The following EHMT2 variants were observed in gnomAD, a reference collection of about 807,000 sequenced individuals.
EHMT2 encodes histone-lysine N-methyltransferase EHMT2.
In EHMT2, 59 loss-of-function variants were observed where a neutral mutation model predicts 143.3. That is an observed-to-expected ratio of 0.41 (90% CI 0.33 to 0.51). The LOEUF is 0.51. Ranked by LOEUF, EHMT2 falls within the 20% of genes least tolerant of loss-of-function variation. EHMT2 has a pLI of 0.18. For missense variants in EHMT2, 1,174 were observed against 1,645.9 expected, an observed-to-expected ratio of 0.71 and a Z score of 4.96; for synonymous variants, 604 against 651.5, an observed-to-expected ratio of 0.93 and a Z score of 1.11.
intron 4 of EHMT2, 80 bp downstream of exon 4, chr6:31,896,183 A>G (rs1355044303): frequency 1.3e-6 from 2 of 1,523,750 alleles, no homozygotes; most frequent in Non-Finnish European, 1.8e-6. Flanking sequence ...GAGTAAATGG[A>G]GTAGAAGCCT....
At position 31,883,040 on chromosome 6, in the gene EHMT2, T is replaced by C. The variant is rs913337498; in HGVS notation, c.2995-31A>G. 1 of 1,595,434 alleles carries C rather than the reference T, an allele frequency of 6.3e-7. No homozygotes were observed. Among genetic ancestry groups the C allele is most frequent in the East Asian group, 2.2e-5 (1 of 44,686 alleles). On this transcript the variant is annotated intron_variant, in intron 23 of 27. Coordinates refer to ENST00000375537, the Ensembl canonical transcript of EHMT2. The surrounding 1 kb of genome is among the most constrained non-coding windows in gnomAD (Gnocchi z 5.6). ...GTGCGGAGGGGAGGATAGTGGTTTC[T>C]CTGTGGGGCCCACCTCAGCTGCCCA...
At chr6:31,886,466 G>A in intron 18 of EHMT2, 115 bp downstream of exon 18, 2 of 779,086 alleles carry the variant, frequency 2.6e-6, no homozygotes, top group Non-Finnish European at 4.2e-6. Flanking sequence ...AAGCAATGAG[G>A]ACAGACACGA....
chr6:31,880,990 G>T lies in EHMT2; in HGVS notation c.3276+24C>A, dbSNP rs368486319. Reference sequence around the variant, plus strand: ...TGAAAGCCAGCCCTGGGGAGCAGCAGGGTAAGGAGGGTCTCCTGCTCACCT... The same window carrying T: ...TGAAAGCCAGCCCTGGGGAGCAGCATGGTAAGGAGGGTCTCCTGCTCACCT... On this transcript the variant is annotated intron_variant, in intron 26 of 27. Transcript: ENST00000375537. The surrounding 1 kb of genome is among the most constrained non-coding windows in gnomAD (Gnocchi z 6.6). The T allele has an allele frequency of 2.5e-6, 4 of 1,611,464 alleles. No individual in the cohort carries two copies. Among genetic ancestry groups the T allele is most frequent in the Non-Finnish European group, 3.4e-6 (4 of 1,178,712 alleles).
In EHMT2 at chr6:31,889,676, C is replaced by T; in HGVS notation, c.865-74G>A. 6.3e-7 allele frequency: 1 copy of T among 1,582,652 alleles called. No homozygotes were observed. Among genetic ancestry groups the T allele is most frequent in the Non-Finnish European group, 8.6e-7 (1 of 1,166,578 alleles). ...TGAGGTGAGTAAAGAAAACCACCACCACCATTGCCCCCCGCCACTACCCAC... is the reference window on the plus strand; with the variant it reads ...TGAGGTGAGTAAAGAAAACCACCACTACCATTGCCCCCCGCCACTACCCAC... On this transcript the variant is annotated intron_variant, in intron 7 of 27. Coordinates refer to ENST00000375537, the Ensembl canonical transcript of EHMT2. The surrounding 1 kb of genome is among the most constrained non-coding windows in gnomAD (Gnocchi z 5.1).
chr6:31,893,194 C>CATAT (rs1765928908), intron 4 of EHMT2: 2 of 531,640 alleles, frequency 3.8e-6, no homozygotes, highest in Admixed American at 6.9e-5. Context: ...TATATGTGGC[C>CATAT]ATATACACAG....
At chr6:31,896,931 G>A (rs1196052647) in exon 2 of EHMT2, 1 of 1,599,698 alleles carries the variant, frequency 6.3e-7, no homozygotes, top group African/African-American at 1.4e-5. Flanking sequence ...ACCTCTCTCG[G>A]TGGCTCCTCT....
rs1000164594 is a variant in EHMT2 at position 31,881,238 on chromosome 6, T to C, written c.3198-146A>G. 6 of 724,636 alleles carry C rather than the reference T, an allele frequency of 8.3e-6. No homozygotes were observed. Among genetic ancestry groups the C allele is most frequent in the Non-Finnish European group, 1.5e-5 (6 of 408,274 alleles). The allele number at this position is 724,636 out of a possible 1,614,324, so 44.9% of individuals were successfully genotyped here. ...AAGGGAAGGCCTGGAGCAGCAGTGG[T>C]GGGCAAGTGAAAGGGCAGCATTCCA... On this transcript the variant is annotated intron_variant, in intron 25 of 27. Transcript: ENST00000375537. This position sits in a 1 kb window ranked among gnomAD's most constrained non-coding sequence, Gnocchi z 4.8.
In EHMT2 at chr6:31,884,471, A is replaced by G. The variant is rs776243573; in HGVS notation, c.2692T>C (p.Trp898Arg). ...TTGCGGTTGAGTTGAAGCGCAAACC[A>G]CACGTCGGAGCGCTCGGGAGTCAGG... Residue 898 changes from tryptophan to arginine, a missense_variant, in exon 21 of 28, where the codon TGG becomes CGG. This residue lies in a region of EHMT2 where 608 missense variants were observed against 903.7 expected (regional missense o/e 0.67). Coordinates refer to ENST00000375537, the Ensembl canonical transcript of EHMT2. The surrounding 1 kb of genome is among the most constrained non-coding windows in gnomAD (Gnocchi z 7.3). The G allele has an allele frequency of 1.2e-6, 2 of 1,612,988 alleles. No homozygotes were observed. The highest frequency in any genetic ancestry group is 1.7e-6 in the Non-Finnish European group (2 of 1,180,014).
chr6:31,884,757 C>G lies in EHMT2; in HGVS notation c.2491G>C (p.Ala831Pro). ...TTCAGAAGGACTTCGGCGATGGCGG[C>G]GCTGCCCGTGAAGGAGGCCCAGTGC... Residue 831 changes from alanine to proline, a missense_variant, in exon 20 of 28, where the codon GCC becomes CCC. Ala to Pro is a conservative substitution (Grantham distance 27, BLOSUM62 -1). This residue lies in a region of EHMT2 where 608 missense variants were observed against 903.7 expected (regional missense o/e 0.67). Transcript: ENST00000375537. The surrounding 1 kb of genome is among the most constrained non-coding windows in gnomAD (Gnocchi z 7.3). 1.2e-6 allele frequency: 2 copies of G among 1,601,426 alleles called. No individual in the cohort carries two copies. Among genetic ancestry groups the G allele is most frequent in the Non-Finnish European group, 1.7e-6 (2 of 1,174,408 alleles).
exon 3 of EHMT2, chr6:31,896,730 G>C (rs1218363057): frequency 6.2e-7 from 1 of 1,612,974 alleles, no homozygotes; most frequent in South Asian, 1.1e-5. Flanking sequence ...CAGTGACAGA[G>C]GCTGGAGATG....
chr6:31,886,463 G>C, intron 18 of EHMT2, 118 bp downstream of exon 18: 1 of 751,622 alleles, frequency 1.3e-6, no homozygotes, highest in Non-Finnish European at 2.2e-6. Context: ...AGAAAGCAAT[G>C]AGGACAGACA....
chr6:31,884,705 T>C lies in EHMT2; in HGVS notation c.2543A>G (p.Asn848Ser), dbSNP rs1270510757. Residue 848 changes from asparagine to serine, a missense_variant, in exon 20 of 28, where the codon AAC (asparagine) becomes AGC (serine). Coordinates refer to ENST00000375537, the Ensembl canonical transcript of EHMT2. The surrounding 1 kb of genome is among the most constrained non-coding windows in gnomAD (Gnocchi z 7.3). ...GTGCAGGGGGGTGTCCCCATGGTAG[T>C]TGACAGCATGGAGGTCACAGCGCGC... 14 of 1,589,972 alleles carry C rather than the reference T, an allele frequency of 8.8e-6. No homozygotes were observed. The highest frequency in any genetic ancestry group is 2.2e-5 in the South Asian group (2 of 88,922).
chr6:31,893,747 C>A, intron 4 of EHMT2: 1 of 250,522 alleles, frequency 4.0e-6, no homozygotes. Flanking sequence ...ATAAGCCAGT[C>A]ACAAAAGGAT....
chr6:31,892,521 G>T, exon 7 of EHMT2: 1 of 1,612,920 alleles, frequency 6.2e-7, no homozygotes, highest in African/African-American at 1.3e-5. Flanking sequence ...CTTTCGTCAG[G>T]GTCACTTCTC....
rs1317164881 is a variant in EHMT2, at chr6:31,888,984, A to T, written c.1201T>A (p.Ser401Thr). Residue 401 changes from serine to threonine, a missense_variant, in exon 10 of 28, where the codon TCC (serine) becomes ACC (threonine). Ser to Thr is a moderately conservative substitution (Grantham distance 58). Transcript: ENST00000375537. This position sits in a 1 kb window ranked among gnomAD's most constrained non-coding sequence, Gnocchi z 7.4. Reference sequence around the variant, plus strand: ...TGGCAATTACCAGCGTGGTTGGGGGAGAGGGTCCCCTCGCTGGGCAGCTCC... The same window carrying T: ...TGGCAATTACCAGCGTGGTTGGGGGTGAGGGTCCCCTCGCTGGGCAGCTCC... 5 of 1,599,976 alleles carry T rather than the reference A, an allele frequency of 3.1e-6. No homozygotes were observed. Among genetic ancestry groups the T allele is most frequent in the Non-Finnish European group, 4.3e-6 (5 of 1,175,342 alleles).
In EHMT2 at chr6:31,889,029, C is replaced by A; in HGVS notation, c.1156G>T (p.Glu386Ter). 6.2e-7 allele frequency: 1 copy of A among 1,604,730 alleles called. No individual in the cohort carries two copies. The highest frequency in any genetic ancestry group is 8.5e-7 in the Non-Finnish European group (1 of 1,177,088). ...AGCTCCAGGGACCCCAGAGGGACCT[C>A]CATGTACTCACTGGGGCCTGAGGAG... The change falls in exon 10 of 28, where the codon GAG (glutamate) becomes TAG (stop). Residue 386 changes from glutamate to a stop codon, truncating the protein, a stop_gained. Coordinates refer to ENST00000375537, the Ensembl canonical transcript of EHMT2. LOFTEE classifies it high-confidence loss of function. The surrounding 1 kb of genome is among the most constrained non-coding windows in gnomAD (Gnocchi z 5.1).
rs780138581 is a variant in EHMT2 at position 31,887,095 on chromosome 6, T to C, written c.2018A>G (p.Asn673Ser). Reference sequence around the variant, plus strand: ...GTCGCTCTGGAAGTTGGGGTCCAGGTTGTCCACTGCGGGGAGAGCCCGCCA... The same window carrying C: ...GTCGCTCTGGAAGTTGGGGTCCAGGCTGTCCACTGCGGGGAGAGCCCGCCA... Residue 673 changes from asparagine (N) to serine (S), a missense_variant, in exon 16 of 28, where the codon AAC becomes AGC. By Grantham distance (46) the Asn-to-Ser change is conservative (BLOSUM62 1). Around this residue, in one of 6 missense-constraint regions of EHMT2, gnomAD observed 608 missense variants for 903.7 expected, o/e 0.67. Transcript: ENST00000375537. 18 of 1,603,996 alleles carry C rather than the reference T, an allele frequency of 1.1e-5. No individual in the cohort carries two copies. The highest frequency in any genetic ancestry group is 2.2e-5 in the East Asian group (1 of 44,658).
exon 4 of EHMT2, chr6:31,896,434 C>T (rs762381763): frequency 2.0e-5 from 32 of 1,613,044 alleles, no homozygotes; most frequent in Non-Finnish European, 2.3e-5. Context: ...GTGATTTTCC[C>T]GCCCCTGTCA....
At position 31,892,750 on chromosome 6, in the gene EHMT2, G is replaced by A. The variant is rs780994631; in HGVS notation, c.668-16C>T. 1 of 1,613,130 alleles carries A rather than the reference G, an allele frequency of 6.2e-7. No homozygotes were observed. The highest frequency in any genetic ancestry group is 8.5e-7 in the Non-Finnish European group (1 of 1,180,034). ...TTGGCCAGATCTGGAAGAAGAGAGA[G>A]AATGGTGTGGGGCCTATCACCGAAA... On this transcript the variant is annotated splice_polypyrimidine_tract_variant and intron_variant, in intron 5 of 27. Transcript: ENST00000375537.
Sources: allele counts gnomAD v4.1 joint callset, GRCh38; gene constraint gnomAD v4.1.1; regional missense constraint gnomAD v4.1.1; non-coding constraint Gnocchi (gnomAD v3.1); transcripts MANE v1.5; gene names NCBI Gene and HGNC (gene_info 2026-07-23, HGNC 2026-07-21).